The following MAEA variants were observed in gnomAD, a reference collection of about 807,000 sequenced individuals.
MAEA encodes E3 ubiquitin-protein transferase MAEA.
Under a neutral mutation model 46.2 loss-of-function variants are expected in MAEA, and 22 were observed. That is an observed-to-expected ratio of 0.48 (90% confidence interval 0.34 to 0.68). The LOEUF is 0.68. Ranked by LOEUF, MAEA falls within the 30% of genes least tolerant of loss-of-function variation. MAEA has a pLI of 0.01. For missense variants in MAEA, 393 were observed against 558.1 expected, an observed-to-expected ratio of 0.70 and a Z score of 2.98; for synonymous variants, 246 against 222.6, an observed-to-expected ratio of 1.11 and a Z score of -0.94.
chr4:1,307,854 A>G (rs56240712), intron 1 of MAEA, among the ~76,000 whole-genome samples: 23,387 of 152,016 alleles, frequency 0.15, 3,455 homozygotes, highest in East Asian at 0.42. Context: ...ACTGGATGGC[A>G]CCACCTACCT....
chr4:1,295,969 CT>C lies in MAEA; in HGVS notation c.69+5988del, dbSNP rs137969700. On this transcript the variant is annotated intron_variant, in intron 1 of 8. Coordinates refer to ENST00000303400, the MANE Select transcript of MAEA (RefSeq NM_001017405.3). ...CACCCTCGCCCGCACCTGTGCCCCC[CT>C]CACCCACGTCTGCACTGCCCTCACC... Among the ~76,000 whole-genome samples the C allele has an allele frequency of 3.2e-3, 248 of 76,744 alleles. 4 individuals are homozygous for C. The highest frequency in any genetic ancestry group is 0.012 in the East Asian group (13 of 1,096). 50.3% of individuals were successfully genotyped at this position (76,744 alleles called of 152,430 possible).
rs78255051 is a variant in MAEA, at chr4:1,326,779, C to T, written c.580-848C>T. 2.9e-3 allele frequency among the ~76,000 whole-genome samples: 449 copies of T among 152,350 alleles called. 2 individuals carry two copies. The highest frequency in any genetic ancestry group is 9.7e-3 in the African/African-American group (404 of 41,582). Reference sequence around the variant, plus strand: ...CCTCAGTGTCCCCTGGGCCAGGCCTCCATTCCATGTGCCACCCGCCTGGGG... The same window carrying T: ...CCTCAGTGTCCCCTGGGCCAGGCCTTCATTCCATGTGCCACCCGCCTGGGG... On this transcript the variant is annotated intron_variant, in intron 4 of 8. Transcript: ENST00000303400.
At chr4:1,297,084 A>G (rs1438580968) in intron 1 of MAEA, among the ~76,000 whole-genome samples, 2 of 152,142 alleles carry the variant, frequency 1.3e-5, no homozygotes, top group African/African-American at 4.8e-5. Flanking sequence ...GTTCAAAGAT[A>G]CGATACCAGG....
intron 1 of MAEA, among the ~76,000 whole-genome samples, chr4:1,290,346 C>T (rs1030316537): frequency 6.6e-6 from 1 of 152,188 alleles, no homozygotes; most frequent in African/African-American, 2.4e-5. Context: ...CGTGCCCAGC[C>T]AGTGCCCGGC....
chr4:1,312,072 G>C lies in MAEA; in HGVS notation c.163G>C (p.Glu55Gln), dbSNP rs375620695. ...SHVTMVVAEL[E>Q]KTLSGCPAVD... ...CGTCACCATGGTGGTGGCCGAGCTGGAGAAGACGTTGAGCGGCTGCCCCGC... is the reference window on the plus strand; with the variant it reads ...CGTCACCATGGTGGTGGCCGAGCTGCAGAAGACGTTGAGCGGCTGCCCCGC... Residue 55 changes from glutamate (E) to glutamine (Q), a missense_variant, in exon 2 of 9, where the codon GAG (glutamate) becomes CAG (glutamine). By Grantham distance (29) the Glu-to-Gln change is conservative. Transcript: ENST00000303400. 81 of 1,613,842 alleles carry C rather than the reference G, an allele frequency of 5.0e-5. No homozygotes were observed. Among genetic ancestry groups the C allele is most frequent in the Non-Finnish European group, 5.0e-5 (59 of 1,180,056 alleles).
At position 1,336,950 on chromosome 4, in the gene MAEA, G is replaced by A; in HGVS notation, c.855G>A (p.Val285=). 1.2e-6 allele frequency: 2 copies of A among 1,614,050 alleles called. No individual in the cohort carries two copies. Among genetic ancestry groups the A allele is most frequent in the Non-Finnish European group, 1.7e-6 (2 of 1,180,012 alleles). ...TACACCAGCTGGGAAACAATTCTGT[G>A]TTCACCCTCACCCTGCAGGCTGGCC... ...YRLHQLGNNS[V]FTLTLQAGLS... is the part of the protein sequence containing the mutation. Residue 285 remains valine, a synonymous_variant, in exon 7 of 9, where the codon GTG becomes GTA. Coordinates refer to ENST00000303400, the MANE Select transcript of MAEA (RefSeq NM_001017405.3).
rs1713094133 is a variant in MAEA, at chr4:1,338,498, C to T, written c.976C>T (p.Gln326Ter). 1 of 1,613,174 alleles carries T rather than the reference C, an allele frequency of 6.2e-7. No homozygotes were observed. Among genetic ancestry groups the T allele is most frequent in the Non-Finnish European group, 8.5e-7 (1 of 1,179,994 alleles). ...CAGCCGCTCCCTGAACAAGCTGGCGCAGCCCCTGCCCATGGCCCACTGTGC... is the reference window on the plus strand; with the variant it reads ...CAGCCGCTCCCTGAACAAGCTGGCGTAGCCCCTGCCCATGGCCCACTGTGC... ...VCSRSLNKLA[Q>*]PLPMAHCANS... Residue 326 changes from glutamine (Q) to a stop codon, truncating the protein, a stop_gained, in exon 8 of 9, where the codon CAG becomes TAG. Coordinates refer to ENST00000303400, the MANE Select transcript of MAEA (RefSeq NM_001017405.3). LOFTEE classifies it high-confidence loss of function.
At chr4:1,333,299 C>A (rs796444706) in intron 6 of MAEA, among the ~76,000 whole-genome samples, 1 of 151,900 alleles carries the variant, frequency 6.6e-6, no homozygotes, top group Admixed American at 6.5e-5. Flanking sequence ...CAAGATTGTG[C>A]CACTGCACTC....
chr4:1,337,092 C>T (rs1712867458), intron 7 of MAEA, 98 bp downstream of exon 7: 1 of 1,428,264 alleles, frequency 7.0e-7, no homozygotes, highest in African/African-American at 1.4e-5. Context: ...TCTTGTCCTC[C>T]CACCACAGAC....
chr4:1,338,783 G>T, intron 8 of MAEA, 166 bp downstream of exon 8: 1 of 772,918 alleles, frequency 1.3e-6, no homozygotes, highest in Non-Finnish European at 2.0e-6. Flanking sequence ...TCGCCATCGG[G>T]ACAGGGCTGT....
chr4:1,336,147 A>G (rs901606355), intron 6 of MAEA, among the ~76,000 whole-genome samples: 2 of 149,086 alleles, frequency 1.3e-5, no homozygotes, highest in African/African-American at 5.0e-5. Flanking sequence ...GAAATCAGGG[A>G]GTTAGATCAG....
In MAEA at chr4:1,339,152, A is replaced by G; in HGVS notation, c.1174A>G (p.Lys392Glu). 6.2e-7 allele frequency: 1 copy of G among 1,613,958 alleles called. No individual in the cohort carries two copies. Among genetic ancestry groups the G allele is most frequent in the Non-Finnish European group, 8.5e-7 (1 of 1,179,972 alleles). The change falls in exon 9 of 9, where the codon AAG becomes GAG. Residue 392 changes from lysine to glutamate, a missense_variant. Lys to Glu is a moderately conservative substitution (Grantham distance 56, BLOSUM62 1). This residue lies in a region of MAEA where 358 missense variants were observed against 537.9 expected (regional missense o/e 0.67). Transcript: ENST00000303400. ...KEVFHFSQAEKVYIM is the reference protein window; with the variant it reads ...KEVFHFSQAEEVYIM ...AGTCTTCCACTTCTCACAAGCCGAG[A>G]AGGTGTACATCATGTAGGCCCCACG...
chr4:1,314,010 G>A (rs965450877), intron 2 of MAEA, among the ~76,000 whole-genome samples: 5 of 151,696 alleles, frequency 3.3e-5, no homozygotes, highest in Non-Finnish European at 5.9e-5. Flanking sequence ...CTCCAGACTG[G>A]GCAACAGAGT....
rs558956088 is a variant in MAEA, at chr4:1,335,094, T to C, written c.766-1767T>C. 4 of 985,418 alleles carry C rather than the reference T, an allele frequency of 4.1e-6. No homozygotes were observed. The South Asian group carries it at 1.9e-4, about 46-fold the overall frequency. 61.0% of individuals were successfully genotyped at this position (985,418 alleles called of 1,614,324 possible). A position where few individuals can be genotyped will look rare whatever the true frequency, so the allele number is the denominator to read the frequency against. ...GGTTGATGTGAAGGTTTTTCTCTCC[T>C]GTGCTCACACACGCTCTCTCTCTTA... is the stretch of plus-strand genomic sequence containing the variant. On this transcript the variant is annotated intron_variant, in intron 6 of 8. Transcript: ENST00000303400.
At chr4:1,338,059 G>T (rs1053512982) in intron 7 of MAEA, 1 of 238,998 alleles carries the variant, frequency 4.2e-6, no homozygotes, top group East Asian at 9.6e-5. Context: ...GGGCTGGCGT[G>T]CTTGCCCACT....
intron 6 of MAEA, 119 bp downstream of exon 6, chr4:1,332,984 G>A (rs1712049175): frequency 3.2e-6 from 2 of 619,064 alleles, no homozygotes; most frequent in Non-Finnish European, 2.8e-6. Context: ...CAGCCACACA[G>A]CCTGTCCAGC....
chr4:1,323,127 A>G (rs1738366248), intron 4 of MAEA, among the ~76,000 whole-genome samples: 1 of 151,532 alleles, frequency 6.6e-6, no homozygotes, highest in Non-Finnish European at 1.5e-5. Flanking sequence ...TTGTATTTTT[A>G]GTAGACATGG....
At chr4:1,295,068 G>T (rs778827556) in intron 1 of MAEA, among the ~76,000 whole-genome samples, 3 of 152,078 alleles carry the variant, frequency 2.0e-5, no homozygotes, top group Non-Finnish European at 2.9e-5. Flanking sequence ...TGGGTACAGG[G>T]GTCAGCAGAA....
Position 1,339,187 on chromosome 4 carries a change from G to C in MAEA, c.*18G>C. The C allele has an allele frequency of 6.3e-7, 1 of 1,599,522 alleles. No homozygotes were observed. Among genetic ancestry groups the C allele is most frequent in the South Asian group, 1.1e-5 (1 of 90,744 alleles). Reference sequence around the variant, plus strand: ...TCATGTAGGCCCCACGTCGTGAAGCGCACGCCTCGGGGACGGGCTGCAGTG... The same window carrying C: ...TCATGTAGGCCCCACGTCGTGAAGCCCACGCCTCGGGGACGGGCTGCAGTG... On this transcript the variant is annotated 3_prime_UTR_variant, in exon 9 of 9. Transcript: ENST00000303400.
Sources: gnomAD v4.1 joint callset for allele counts (sites outside exome capture counted in the v4.1 genomes callset) on GRCh38, gnomAD v4.1.1 for gene constraint, gnomAD v4.1.1 regional missense constraint, MANE v1.5 for transcripts, NCBI Gene and HGNC (gene_info 2026-07-23, HGNC 2026-07-21) for gene names.